CAPN15: variants seen among roughly 807,000 people sequenced by gnomAD.
CAPN15 encodes calpain 15.
CAPN15 carries 53 observed loss-of-function variants against 97.9 expected under a neutral mutation model. That is an observed-to-expected ratio of 0.54 (90% confidence interval 0.43 to 0.68). The LOEUF is 0.68. Among genes scored for constraint, CAPN15 ranks in the 30% least tolerant of loss-of-function variants. CAPN15 has a pLI of 0.00. For synonymous variants in CAPN15, 922 were observed against 722.5 expected (o/e 1.28, Z -4.43); for missense variants, 1,592 against 1,589.8 (o/e 1.00, Z -0.02).
At chr16:531,717 C>T (rs957674884) in intron 1 of CAPN15, among the ~76,000 whole-genome samples, 2 of 148,962 alleles carry the variant, frequency 1.3e-5, no homozygotes, top group Middle Eastern at 3.2e-3. Context: ...CCAAGGCCTC[C>T]GTCTCCTTCT....
rs1035925436 is a variant in CAPN15, at chr16:552,890, C to T, written c.2932C>T (p.Leu978=). 9 of 1,609,472 alleles carry T rather than the reference C, an allele frequency of 5.6e-6. No individual in the cohort carries two copies. Among genetic ancestry groups the T allele is most frequent in the Non-Finnish European group, 6.8e-6 (8 of 1,178,042 alleles). The change falls in exon 13 of 14, where the codon CTG becomes TTG. Residue 978 remains leucine, a synonymous_variant. Coordinates refer to ENST00000219611, the MANE Select transcript of CAPN15 (RefSeq NM_005632.3). The surrounding 1 kb of genome is among the most constrained non-coding windows in gnomAD (Gnocchi z 6.4). ...EGREGMTCYY[L]THGWAGLIVV... is the part of the protein sequence containing the mutation. ...CCGTGAGGGCATGACCTGCTACTAC[C>T]TGACACACGGTTGGGCGGGGCTCAT...
At chr16:548,433 C>T in intron 4 of CAPN15, 146 bp downstream of exon 4, 1 of 834,148 alleles carries the variant, frequency 1.2e-6, no homozygotes. Context: ...CGCCCCGAGG[C>T]TCCAAGCTCC....
chr16:544,778 C>T (rs2034445410), intron 3 of CAPN15, among the ~76,000 whole-genome samples: 1 of 58,858 alleles, frequency 1.7e-5, no homozygotes, highest in African/African-American at 8.2e-5. Context: ...TCCCCCACGT[C>T]GTCTCCCCCA....
intron 6 of CAPN15, 55 bp downstream of exon 6, chr16:549,526 C>G (rs1260064500): frequency 6.5e-7 from 1 of 1,529,162 alleles, no homozygotes; most frequent in East Asian, 2.4e-5. Context: ...TGACCCCAGC[C>G]CCGAAAACAA....
At chr16:541,851 A>G (rs2034143092) in intron 3 of CAPN15, among the ~76,000 whole-genome samples, 3 of 151,192 alleles carry the variant, frequency 2.0e-5, no homozygotes, top group Admixed American at 6.6e-5. Flanking sequence ...GTGGGGCCAC[A>G]GGACGTGGCT....
rs2035149811 is a variant in CAPN15, at chr16:552,331, G to A, written c.2538G>A (p.Leu846=). 1.3e-6 allele frequency: 2 copies of A among 1,583,904 alleles called. No homozygotes were observed. The highest frequency in any genetic ancestry group is 1.7e-6 in the Non-Finnish European group (2 of 1,170,340). ...CGGACGCCGTGGACAGCCACCTGCT[G>A]GACCTGTGCATCCTGGTGTTCCGGG... ...RRSDAVDSHL[L]DLCILVFRAT... Residue 846 remains leucine (L), a synonymous_variant, in exon 11 of 14, where the codon CTG becomes CTA. Coordinates refer to ENST00000219611, the MANE Select transcript of CAPN15 (RefSeq NM_005632.3). The surrounding 1 kb of genome is among the most constrained non-coding windows in gnomAD (Gnocchi z 6.4).
At chr16:548,737 C>T (rs542286727) in intron 4 of CAPN15, among the ~76,000 whole-genome samples, 83 of 152,370 alleles carry the variant, frequency 5.4e-4, no homozygotes, top group Non-Finnish European at 7.9e-4. Context: ...CGTGCTGCCA[C>T]CCACTGGGGG....
chr16:548,260 G>GGAGAACATCGTGGCCTTCTGC lies in CAPN15; in HGVS notation c.1423_1443dup (p.Glu475_Cys481dup). On this transcript the variant is annotated inframe_insertion, in exon 4 of 14. Transcript: ENST00000219611. ...ACGAGGGCGAGGCCAAGGCACTCTG[G>GGAGAACATCGTGGCCTTCTGC]GAGAACATCGTGGCCTTCTGCCGGG... 1 of 1,535,504 alleles carries GGAGAACATCGTGGCCTTCTGC rather than the reference G, an allele frequency of 6.5e-7. No homozygotes were observed. The highest frequency in any genetic ancestry group is 8.8e-7 in the Non-Finnish European group (1 of 1,142,758).
At chr16:532,480 G>A (rs1482602616) in intron 1 of CAPN15, among the ~76,000 whole-genome samples, 2 of 151,330 alleles carry the variant, frequency 1.3e-5, no homozygotes, top group East Asian at 1.9e-4. Context: ...GCTTGAACCC[G>A]GGAGGCAGAG....
In CAPN15 at chr16:547,308, C is replaced by A; in HGVS notation, c.470C>A (p.Thr157Lys). The A allele has an allele frequency of 6.6e-7, 1 of 1,524,740 alleles. No homozygotes were observed. The highest frequency in any genetic ancestry group is 8.8e-7 in the Non-Finnish European group (1 of 1,140,900). The allele number at this position is 1,524,740 out of a possible 1,614,324, so 94.5% of individuals were successfully genotyped here. A position where few individuals can be genotyped will look rare whatever the true frequency, so the allele number is the denominator to read the frequency against. The change falls in exon 4 of 14, where the codon ACG becomes AAG. Residue 157 changes from threonine to lysine, a missense_variant. By Grantham distance (78) the Thr-to-Lys change is moderately conservative. This residue lies in a region of CAPN15 where 883 missense variants were observed against 776.6 expected (regional missense o/e 1.14). Coordinates refer to ENST00000219611, the MANE Select transcript of CAPN15 (RefSeq NM_005632.3). ...TGTCCGCGTTGCACGCTGCACAACA[C>A]GCCCGTGGCCAGCTCCTGCTCCGTC... ...WACPRCTLHNTPVASSCSVCG... is the reference protein window; with the variant it reads ...WACPRCTLHNKPVASSCSVCG...
intron 7 of CAPN15, 33 bp downstream of exon 7, chr16:549,871 T>C (rs1281525133): frequency 2.0e-6 from 3 of 1,505,006 alleles, no homozygotes; most frequent in Admixed American, 1.9e-5. Context: ...GTCAGCCGCG[T>C]TGGGAGGAGA....
intron 1 of CAPN15, among the ~76,000 whole-genome samples, chr16:530,270 G>C (rs2141942970): frequency 6.6e-6 from 1 of 152,356 alleles, no homozygotes; most frequent in African/African-American, 2.4e-5. Flanking sequence ...GTGGCGCCGA[G>C]GGCAGGGTCC....
rs1200886899 is a variant in CAPN15 at position 554,547 on chromosome 16, T to G, written c.*1031T>G. 6.6e-6 allele frequency: 3 copies of G among 456,120 alleles called. No individual in the cohort carries two copies. Among genetic ancestry groups the G allele is most frequent in the African/African-American group, 6.0e-5 (3 of 50,086 alleles). 28.3% of individuals were successfully genotyped at this position (456,120 alleles called of 1,614,324 possible). A position where few individuals can be genotyped will look rare whatever the true frequency, so the allele number is the denominator to read the frequency against. On this transcript the variant is annotated 3_prime_UTR_variant, in exon 14 of 14. Transcript: ENST00000219611. ...TGTGACACAGAGACTATTTTATCAA[T>G]TGTCAGTCCCGTTCCTTTACCATAG...
At position 549,097 on chromosome 16, in the gene CAPN15, C is replaced by T. The variant is rs2034808948; in HGVS notation, c.1554C>T (p.Pro518=). Residue 518 remains proline (P), a synonymous_variant, in exon 5 of 14, where the codon CCC becomes CCT. Transcript: ENST00000219611. The part of the protein sequence containing the change: ...VQQRVRQWLR[P]QEINCSVFRD... ...AGCGTGTGAGGCAGTGGCTGCGACCCCAGGAGATCAACTGCTCCGTCTTCA... is the reference window on the plus strand; with the variant it reads ...AGCGTGTGAGGCAGTGGCTGCGACCTCAGGAGATCAACTGCTCCGTCTTCA... The T allele has an allele frequency of 6.2e-7, 1 of 1,612,568 alleles. No homozygotes were observed. Among genetic ancestry groups the T allele is most frequent in the Non-Finnish European group, 8.5e-7 (1 of 1,179,952 alleles).
chr16:549,811 C>A lies in CAPN15; in HGVS notation c.2039C>A (p.Ala680Asp). ...EEPVDTDLIW[A>D]KMLSSKEAGF... Reference sequence around the variant, plus strand: ...CCCGTTGACACTGACCTCATCTGGGCCAAAATGCTGAGTTCTAAGGAGGCT... The same window carrying A: ...CCCGTTGACACTGACCTCATCTGGGACAAAATGCTGAGTTCTAAGGAGGCT... The change falls in exon 7 of 14, where the codon GCC becomes GAC. Residue 680 changes from alanine (A) to aspartate (D), a missense_variant. Physicochemically the swap from Ala to Asp is moderately radical, Grantham distance 126 (BLOSUM62 -2). Transcript: ENST00000219611. 6.3e-7 allele frequency: 1 copy of A among 1,587,182 alleles called. No homozygotes were observed. Among genetic ancestry groups the A allele is most frequent in the East Asian group, 2.3e-5 (1 of 43,358 alleles).
chr16:530,308 C>CT lies in CAPN15; in HGVS notation c.-190+2280dup, dbSNP rs1189141529. On this transcript the variant is annotated intron_variant, in intron 1 of 13. Coordinates refer to ENST00000219611, the MANE Select transcript of CAPN15 (RefSeq NM_005632.3). ...TTCTGTTTCTTGGTAGGCCTAGTGT[C>CT]TAGCGCTATGCAGCCGTGCGCAGAG... 3.3e-5 allele frequency among the ~76,000 whole-genome samples: 5 copies of CT among 152,248 alleles called. No homozygotes were observed. In the East Asian group the frequency reaches 5.8e-4, roughly 18 times the overall value.
intron 3 of CAPN15, among the ~76,000 whole-genome samples, chr16:545,643 G>C (rs573261778): frequency 6.6e-6 from 1 of 152,234 alleles, no homozygotes; most frequent in Non-Finnish European, 1.5e-5. Context: ...CTGGGGACCC[G>C]GGTTCTCATT....
Position 536,035 on chromosome 16 carries a change from A to T in CAPN15, c.-130A>T. 5.1e-6 allele frequency: 1 copy of T among 194,696 alleles called. No homozygotes were observed. The highest frequency in any genetic ancestry group is 7.4e-6 in the Non-Finnish European group (1 of 135,772). The allele number at this position is 194,696 out of a possible 1,614,324, so 12.1% of individuals were successfully genotyped here. Reference sequence around the variant, plus strand: ...CCCCCCCCCGGTTATTCAGACAGGGAGCCAGGATGGGAACCACGGACTGAC... The same window carrying T: ...CCCCCCCCCGGTTATTCAGACAGGGTGCCAGGATGGGAACCACGGACTGAC... On this transcript the variant is annotated 5_prime_UTR_variant, in exon 3 of 14. Coordinates refer to ENST00000219611, the MANE Select transcript of CAPN15 (RefSeq NM_005632.3).
chr16:546,158 G>C (rs972440599), intron 3 of CAPN15, among the ~76,000 whole-genome samples: 5 of 152,268 alleles, frequency 3.3e-5, no homozygotes, highest in Non-Finnish European at 4.4e-5. Context: ...GCAGCATCAC[G>C]GAGTTCGCTC....
Sources: allele counts gnomAD v4.1 joint callset (sites outside exome capture counted in the v4.1 genomes callset), GRCh38; gene constraint gnomAD v4.1.1; regional missense constraint gnomAD v4.1.1; non-coding constraint Gnocchi (gnomAD v3.1); transcripts MANE v1.5; gene names NCBI Gene and HGNC (gene_info 2026-07-23, HGNC 2026-07-21).